SUGCT: variants seen among roughly 807,000 people sequenced by gnomAD.
The protein encoded by SUGCT is succinyl-CoA:glutarate-CoA transferase.
A neutral mutation model predicts 55.0 loss-of-function variants in SUGCT; 41 were observed. The observed-to-expected ratio is 0.74, with a 90% CI of 0.58 to 0.97. The LOEUF is 0.97. Ranked by LOEUF, SUGCT falls within the 50% of genes least tolerant of loss-of-function variation. The pLI is 0.00. For missense variants in SUGCT, 568 were observed against 547.8 expected (o/e 1.04, Z -0.37); for synonymous variants, 187 against 200.4 (o/e 0.93, Z 0.56).
At chr7:40,997,511 A>G in the SUGCT span, among the ~76,000 whole-genome samples, 1 of 152,124 alleles carries the variant, frequency 6.6e-6, no homozygotes, top group Non-Finnish European at 1.5e-5. Context: ...CACCCTGCAC[A>G]CACACACACC....
chr7:40,602,101 G>GA (rs1288098041), intron 12 of SUGCT, among the ~76,000 whole-genome samples: 3 of 152,140 alleles, frequency 2.0e-5, no homozygotes, highest in African/African-American at 7.2e-5. Flanking sequence ...TCTGTTGAGT[G>GA]AAATAGATTT....
chr7:40,376,010 T>C (rs148795937), intron 9 of SUGCT, among the ~76,000 whole-genome samples: 3 of 152,332 alleles, frequency 2.0e-5, no homozygotes, highest in Non-Finnish European at 4.4e-5. Context: ...CTAATGTGTG[T>C]TATAACAGAA....
intron 8 of SUGCT, among the ~76,000 whole-genome samples, chr7:40,276,520 G>T (rs1004257131): frequency 7.2e-5 from 11 of 152,146 alleles, no homozygotes; most frequent in Non-Finnish European, 2.9e-5. Context: ...TATGTAGCAG[G>T]TCGTGGAGTT....
intron 12 of SUGCT, among the ~76,000 whole-genome samples, chr7:40,580,962 C>G (rs1030359523): frequency 1.3e-5 from 2 of 152,122 alleles, no homozygotes; most frequent in Non-Finnish European, 2.9e-5. Flanking sequence ...AAATGCCTAA[C>G]AACGCATTTT....
chr7:41,026,511 T>C, the SUGCT span, among the ~76,000 whole-genome samples: 1 of 152,226 alleles, frequency 6.6e-6, no homozygotes, highest in Admixed American at 6.5e-5. Context: ...GATGCCTTGA[T>C]ACTAATTCTA....
chr7:40,529,697 TC>T (rs998285936), intron 12 of SUGCT, among the ~76,000 whole-genome samples: 3 of 152,200 alleles, frequency 2.0e-5, no homozygotes, highest in Non-Finnish European at 4.4e-5. Context: ...GATTTTTTTT[TC>T]CATGTATAAG....
chr7:40,440,422 A>G (rs1286511445), intron 9 of SUGCT, among the ~76,000 whole-genome samples: 1 of 151,836 alleles, frequency 6.6e-6, no homozygotes, highest in Non-Finnish European at 1.5e-5. Flanking sequence ...TGGCCTCCCA[A>G]AGTGCCAGGA....
At chr7:40,305,325 C>G (rs1295639575) in intron 8 of SUGCT, among the ~76,000 whole-genome samples, 2 of 152,190 alleles carry the variant, frequency 1.3e-5, no homozygotes. Context: ...TTAAATTCTT[C>G]AAATTAGAGG....
At chr7:40,396,444 C>G (rs1397182540) in intron 9 of SUGCT, among the ~76,000 whole-genome samples, 2 of 152,118 alleles carry the variant, frequency 1.3e-5, no homozygotes, top group African/African-American at 4.8e-5. Context: ...CATTTGTAGG[C>G]TGACGAAACA....
chr7:40,688,256 T>C (rs1257920343), intron 12 of SUGCT, among the ~76,000 whole-genome samples: 1 of 152,176 alleles, frequency 6.6e-6, no homozygotes, highest in African/African-American at 2.4e-5. Context: ...TCTTTCTCTG[T>C]TACACAGATT....
rs1314961773 is a variant in SUGCT, at chr7:40,249,315, A to ATCTATCTATC, written c.576+11590_576+11591insCTATCTATCT. 6.0e-4 allele frequency among the ~76,000 whole-genome samples: 20 copies of ATCTATCTATC among 33,516 alleles called. 1 individual carries two copies. The highest frequency in any genetic ancestry group is 2.0e-3 in the African/African-American group (20 of 10,250). The allele number at this position is 33,516 out of a possible 152,430, so 22.0% of individuals were successfully genotyped here. ...TTAAAACAAAAAACACCAAAAAGCT[A>ATCTATCTATC]TATATATATATATATATATATATAT... On this transcript the variant is annotated intron_variant, in intron 7 of 13. Transcript: ENST00000335693.
chr7:40,769,278 A>G (rs749401133), intron 13 of SUGCT, among the ~76,000 whole-genome samples: 47 of 152,204 alleles, frequency 3.1e-4, no homozygotes, highest in Non-Finnish European at 4.9e-4. Flanking sequence ...GCAAAATTCA[A>G]ATTTCTCATT....
At chr7:40,594,952 A>G (rs1001442167) in intron 12 of SUGCT, among the ~76,000 whole-genome samples, 6 of 152,182 alleles carry the variant, frequency 3.9e-5, no homozygotes, top group Non-Finnish European at 7.3e-5. Context: ...GGAGAAGTTT[A>G]TGGGCAAAGT....
the SUGCT span, among the ~76,000 whole-genome samples, chr7:41,008,700 A>G: frequency 1.3e-5 from 2 of 151,738 alleles, no homozygotes; most frequent in South Asian, 4.2e-4. Flanking sequence ...GTTTCCCTGT[A>G]TTGCAAGTCC....
chr7:40,168,584 C>T (rs1447735376), intron 1 of SUGCT, among the ~76,000 whole-genome samples: 3 of 152,032 alleles, frequency 2.0e-5, no homozygotes, highest in Non-Finnish European at 4.4e-5. Flanking sequence ...CTTCACAGGC[C>T]CTGACTATCT....
chr7:40,235,452 C>T (rs978693931), intron 6 of SUGCT, among the ~76,000 whole-genome samples: 1 of 152,116 alleles, frequency 6.6e-6, no homozygotes, highest in Non-Finnish European at 1.5e-5. Context: ...CTTAGCCTCC[C>T]AAGTAGCTGG....
chr7:40,948,833 T>G, the SUGCT span, among the ~76,000 whole-genome samples: 3 of 152,218 alleles, frequency 2.0e-5, no homozygotes, highest in Admixed American at 2.0e-4. Flanking sequence ...ATGTGCCACA[T>G]TTTCTTAATC....
At chr7:40,973,244 C>CTG in the SUGCT span, among the ~76,000 whole-genome samples, 1 of 152,178 alleles carries the variant, frequency 6.6e-6, no homozygotes, top group Non-Finnish European at 1.5e-5. Context: ...GTGGTATGTT[C>CTG]TGTGTGTGCT....
intron 13 of SUGCT, among the ~76,000 whole-genome samples, chr7:40,801,155 G>C (rs1391267895): frequency 6.6e-6 from 1 of 152,208 alleles, no homozygotes; most frequent in Non-Finnish European, 1.5e-5. Flanking sequence ...GCTTGATAGT[G>C]AAAGTGTGTG....
Sources: allele counts gnomAD v4.1 joint callset (sites outside exome capture counted in the v4.1 genomes callset), GRCh38; gene constraint gnomAD v4.1.1; transcripts MANE v1.5; gene names NCBI Gene and HGNC (gene_info 2026-07-23, HGNC 2026-07-21).